Variants in SH3BP1 observed in about 807,000 individuals in gnomAD.
SH3BP1 encodes SH3 domain binding protein 1.
Under a neutral mutation model 69.8 loss-of-function variants are expected in SH3BP1, and 46 were observed. That is an observed-to-expected ratio of 0.66 (90% CI 0.52 to 0.84). The LOEUF (loss-of-function observed/expected upper bound fraction) is 0.84. Ranked by LOEUF, SH3BP1 falls within the 40% of genes least tolerant of loss-of-function variation. The pLI is 0.00. For synonymous variants in SH3BP1, 403 were observed against 378.0 expected, an observed-to-expected ratio of 1.07 and a Z score of -0.77; for missense variants, 868 against 930.9, an observed-to-expected ratio of 0.93 and a Z score of 0.88.
rs767207581 is a variant in SH3BP1, at chr22:37,644,887, C to T, written c.705C>T (p.Ala235=). 8 of 1,614,010 alleles carry T rather than the reference C, an allele frequency of 5.0e-6. No individual in the cohort carries two copies. The South Asian group carries it at 5.5e-5, about 11-fold the overall frequency. The change falls in exon 9 of 18, where the codon GCC becomes GCT. Residue 235 remains alanine, a synonymous_variant. Transcript: ENST00000649765. ...CCCCACAGCTCCTGGAGATTCAGGC[C>T]GATTACCATCGCAGGTCACTGAGCT... is the stretch of plus-strand genomic sequence containing the variant. ...NYFIRLLEIQ[A]DYHRRSLSSL...
At position 37,650,675 on chromosome 22, in the gene SH3BP1, T is replaced by TCCAGCTCCAGCTCCGGCC. The variant is rs778604453; in HGVS notation, c.1554_1571dup (p.Pro519_Ala524dup). On this transcript the variant is annotated inframe_insertion, in exon 16 of 18. Transcript: ENST00000649765. ...CCACCACCCCGGCTCCGGCTCCGGC[T>TCCAGCTCCAGCTCCGGCC]CCAGCTCCAGCTCCGGCCCCAGCCT... 13 of 1,613,358 alleles carry TCCAGCTCCAGCTCCGGCC rather than the reference T, an allele frequency of 8.1e-6. No individual in the cohort carries two copies. In the East Asian group the frequency reaches 2.7e-4, roughly 33 times the overall value.
intron 8 of SH3BP1, 42 bp from the exon 9 acceptor site, chr22:37,644,828 G>A (rs1319074348): frequency 6.2e-7 from 1 of 1,610,706 alleles, no homozygotes; most frequent in Non-Finnish European, 8.5e-7. Flanking sequence ...AGAAGGCTCA[G>A]CTTCCCCCAC....
chr22:37,653,105 C>T (rs969337181), intron 16 of SH3BP1, among the ~76,000 whole-genome samples: 1 of 152,010 alleles, frequency 6.6e-6, no homozygotes, highest in African/African-American at 2.4e-5. Context: ...CCATCGCACT[C>T]CAGCCTGAGC....
intron 13 of SH3BP1, among the ~76,000 whole-genome samples, chr22:37,647,967 C>T (rs936633250): frequency 6.6e-6 from 1 of 152,236 alleles, no homozygotes; most frequent in Non-Finnish European, 1.5e-5. Context: ...TGAGGCACTG[C>T]GCCCAGCCGG....
chr22:37,654,385 A>G (rs887768041), intron 17 of SH3BP1, among the ~76,000 whole-genome samples: 1 of 152,132 alleles, frequency 6.6e-6, no homozygotes, highest in African/African-American at 2.4e-5. Flanking sequence ...AGCCTGGCCA[A>G]CATGGTGAAA....
At chr22:37,641,105 C>T (rs757607471) in intron 1 of SH3BP1, 21 bp from the exon 2 acceptor site, 29 of 1,310,228 alleles carry the variant, frequency 2.2e-5, no homozygotes, top group South Asian at 9.6e-5. Context: ...CTCTCCCCCC[C>T]CCCCCCACCA....
In SH3BP1 at chr22:37,639,859, CGCTTCCAGCCCCA is replaced by C; in HGVS notation, c.59+14_59+26del. ...GCAGCTTGGGACGGTGAGTGTCACC[CGCTTCCAGCCCCA>C]CTCTTACCCCGGCAGGACTTGAGGG... is the stretch of plus-strand genomic sequence containing the variant. On this transcript the variant is annotated intron_variant, in intron 1 of 17. Transcript: ENST00000649765. 6.4e-7 allele frequency: 1 copy of C among 1,558,086 alleles called. No individual in the cohort carries two copies. Among genetic ancestry groups the C allele is most frequent in the Non-Finnish European group, 8.7e-7 (1 of 1,153,864 alleles).
Position 37,650,588 on chromosome 22 carries a change from G to T in SH3BP1, c.1461G>T (p.Gln487His). 1.9e-6 allele frequency: 3 copies of T among 1,614,032 alleles called. No homozygotes were observed. The highest frequency in any genetic ancestry group is 2.5e-6 in the Non-Finnish European group (3 of 1,180,010). Residue 487 changes from glutamine to histidine, a missense_variant, in exon 16 of 18, where the codon CAG (glutamine) becomes CAT (histidine). Gln to His is a conservative substitution (Grantham distance 24). This residue lies in a region of SH3BP1 where 474 missense variants were observed against 462.3 expected (regional missense o/e 1.03). Transcript: ENST00000649765. ...VSGLFSAVTL[Q>H]DTVSDRLASE... ...GCCTCTTCTCAGCTGTTACCCTCCA[G>T]GACACAGTCAGTGACAGGCTGGCCT... is the stretch of plus-strand genomic sequence containing the variant.
intron 16 of SH3BP1, among the ~76,000 whole-genome samples, chr22:37,652,700 CTG>C (rs1270476770): frequency 6.6e-6 from 1 of 150,412 alleles, no homozygotes; most frequent in African/African-American, 2.5e-5. Context: ...TAGTGCGCAC[CTG>C]TAATCCCAGC....
Position 37,643,105 on chromosome 22 carries a change from T to C in SH3BP1, c.404T>C (p.Leu135Pro). The C allele has an allele frequency of 6.2e-7, 1 of 1,610,528 alleles. No individual in the cohort carries two copies. The highest frequency in any genetic ancestry group is 8.5e-7 in the Non-Finnish European group (1 of 1,178,704). ...CCCCATGCCCATCCCCAGGAGGAGCTGCCAGCCATCCTCAAACACAAGAAA... is the reference window on the plus strand; with the variant it reads ...CCCCATGCCCATCCCCAGGAGGAGCCGCCAGCCATCCTCAAACACAAGAAA... ...QPLSRLSEEELPAILKHKKSL... is the reference protein window; with the variant it reads ...QPLSRLSEEEPPAILKHKKSL... The change falls in exon 6 of 18, where the codon CTG (leucine) becomes CCG (proline). Residue 135 changes from leucine to proline, a missense_variant. Physicochemically the swap from Leu to Pro is moderately conservative, Grantham distance 98 (BLOSUM62 -3). This residue lies in a region of SH3BP1 where 387 missense variants were observed against 447.9 expected (regional missense o/e 0.86). Transcript: ENST00000649765.
chr22:37,651,882 G>T (rs1932886385), intron 16 of SH3BP1, among the ~76,000 whole-genome samples: 1 of 151,810 alleles, frequency 6.6e-6, no homozygotes, highest in African/African-American at 2.4e-5. Flanking sequence ...AGGTTAAGGG[G>T]GAGCGTGGGG....
intron 3 of SH3BP1, chr22:37,642,163 G>C (rs1932619852): frequency 4.0e-6 from 1 of 249,342 alleles, no homozygotes; most frequent in East Asian, 9.0e-5. Flanking sequence ...CTCAGCGGTG[G>C]CTAGGTCAGC....
intron 13 of SH3BP1, among the ~76,000 whole-genome samples, chr22:37,647,986 C>T (rs972092277): frequency 2.6e-5 from 4 of 152,236 alleles, no homozygotes; most frequent in Non-Finnish European, 5.9e-5. Flanking sequence ...GGATTAGTCA[C>T]ACATTTTTAT....
intron 3 of SH3BP1, chr22:37,642,297 T>G (rs1451191769): frequency 1.9e-5 from 10 of 529,242 alleles, no homozygotes; most frequent in Non-Finnish European, 3.4e-5. Flanking sequence ...GACTTGGTCA[T>G]TCCTTCCTGC....
At chr22:37,639,926 T>TGGGGGTTGGGGGGGGG in intron 1 of SH3BP1, 80 bp downstream of exon 1, 1 of 496,952 alleles carries the variant, frequency 2.0e-6, no homozygotes. Flanking sequence ...GAGACGGGGG[T>TGGGGGTTGGGGGGGGG]GGGGGAGGCT....
rs1023389042 is a variant in SH3BP1 at position 37,639,693 on chromosome 22, G to C, written c.-95G>C. 4.0e-6 allele frequency: 3 copies of C among 758,192 alleles called. No individual in the cohort carries two copies. The highest frequency in any genetic ancestry group is 8.2e-5 in the Admixed American group (2 of 24,376). The allele number at this position is 758,192 out of a possible 1,614,324, so 47.0% of individuals were successfully genotyped here. On this transcript the variant is annotated 5_prime_UTR_variant, in exon 1 of 18. Transcript: ENST00000649765. ...CGAGAGCGCCGCCCACCCATCCGGG[G>C]CAAGAGCCGCGCCGCAGGAGAGGCA...
At chr22:37,641,020 C>T in intron 1 of SH3BP1, 106 bp from the exon 2 acceptor site, 1 of 785,378 alleles carries the variant, frequency 1.3e-6, no homozygotes, top group South Asian at 1.5e-5. Flanking sequence ...ACAGTGGAAG[C>T]ACTGGGGTCC....
intron 14 of SH3BP1, chr22:37,648,700 C>CT (rs993648456): frequency 0.047 from 7,344 of 157,776 alleles, 120 homozygotes; most frequent in South Asian, 0.074. Context: ...AGATCGGGTT[C>CT]TTTTTTTTTT....
In SH3BP1 at chr22:37,645,349, T is replaced by G; in HGVS notation, c.779-16T>G. 2 of 1,593,604 alleles carry G rather than the reference T, an allele frequency of 1.3e-6. No individual in the cohort carries two copies. Among genetic ancestry groups the G allele is most frequent in the Non-Finnish European group, 1.7e-6 (2 of 1,164,090 alleles). The stretch of plus-strand genomic sequence containing the variant: ...GTGGGAAGGCCCTGGGCCGCTGATC[T>G]GTTTCATCCCTGCAGACCACTCCCC... On this transcript the variant is annotated splice_polypyrimidine_tract_variant and intron_variant, in intron 9 of 17. Coordinates refer to ENST00000649765, the MANE Select transcript of SH3BP1 (RefSeq NM_018957.6).
Sources: allele counts gnomAD v4.1 joint callset (sites outside exome capture counted in the v4.1 genomes callset), GRCh38; gene constraint gnomAD v4.1.1; regional missense constraint gnomAD v4.1.1; transcripts MANE v1.5; gene names NCBI Gene and HGNC (gene_info 2026-07-23, HGNC 2026-07-21).